The following XKR9 variants were observed in gnomAD, a reference collection of about 807,000 sequenced individuals.
XKR9 encodes the protein XK-related protein 9.
A neutral mutation model predicts 32.0 loss-of-function variants in XKR9; 32 were observed. The observed-to-expected ratio is 1.00, with a 90% CI of 0.76 to 1.34. XKR9 has a LOEUF of 1.34. Ranked by LOEUF, XKR9 falls within the 40% of genes most tolerant of loss-of-function variation. The probability of loss-of-function intolerance (pLI) is 0.00; values close to 1 mark genes in which losing one functional copy is unlikely to be tolerated. For missense variants in XKR9, 546 were observed against 429.7 expected (o/e 1.27, Z -2.39); for synonymous variants, 168 against 143.4 (o/e 1.17, Z -1.22).
At chr8:70,686,583 A>C (rs1819287684) in intron 3 of XKR9, among the ~76,000 whole-genome samples, 1 of 151,988 alleles carries the variant, frequency 6.6e-6, no homozygotes, top group Non-Finnish European at 1.5e-5. Flanking sequence ...AGCTGGGACT[A>C]CAGGCATGTG....
the XKR9 span, among the ~76,000 whole-genome samples, chr8:70,866,109 C>A: frequency 6.6e-6 from 1 of 152,172 alleles, no homozygotes; most frequent in Non-Finnish European, 1.5e-5. Flanking sequence ...TGATAATTTC[C>A]TTTGTGTGGG....
intron 2 of XKR9, among the ~76,000 whole-genome samples, chr8:70,779,601 G>A (rs1448836766): frequency 1.3e-5 from 2 of 152,088 alleles, no homozygotes; most frequent in Non-Finnish European, 2.9e-5. Context: ...TTTTTGGTTG[G>A]TAGGCTATTA....
the XKR9 span, among the ~76,000 whole-genome samples, chr8:70,811,640 C>T: frequency 1.3e-5 from 2 of 152,212 alleles, no homozygotes; most frequent in South Asian, 2.1e-4. Context: ...ATACAAACTA[C>T]CATCAGAGAA....
intron 2 of XKR9, among the ~76,000 whole-genome samples, chr8:70,741,313 A>G (rs1277889640): frequency 6.6e-6 from 1 of 152,238 alleles, no homozygotes; most frequent in East Asian, 1.9e-4. Flanking sequence ...TGCTGTCACT[A>G]TTTGATGCCC....
At chr8:70,999,353 T>C in the XKR9 span, among the ~76,000 whole-genome samples, 2 of 152,198 alleles carry the variant, frequency 1.3e-5, no homozygotes, top group Admixed American at 1.3e-4. Context: ...GTTTCCACCA[T>C]ATCATGAGAT....
chr8:70,718,115 T>C (rs1336476402), intron 4 of XKR9, among the ~76,000 whole-genome samples: 3 of 152,120 alleles, frequency 2.0e-5, no homozygotes, highest in Non-Finnish European at 2.9e-5. Flanking sequence ...TTCCAAACTT[T>C]CCCACATCTT....
At chr8:70,916,961 T>C in the XKR9 span, among the ~76,000 whole-genome samples, 3 of 152,206 alleles carry the variant, frequency 2.0e-5, no homozygotes, top group Non-Finnish European at 4.4e-5. Context: ...ATTTTTATTT[T>C]CTAATTCTTT....
chr8:71,038,789 T>C, the XKR9 span, among the ~76,000 whole-genome samples: 1 of 150,172 alleles, frequency 6.7e-6, no homozygotes, highest in African/African-American at 2.4e-5. Context: ...CAGATGTCCC[T>C]TTTTTGGATG....
the XKR9 span, among the ~76,000 whole-genome samples, chr8:70,856,497 G>A: frequency 1.3e-5 from 2 of 152,204 alleles, no homozygotes; most frequent in African/African-American, 4.8e-5. Flanking sequence ...CCTACAAAGA[G>A]ACTTAGACTC....
the XKR9 span, among the ~76,000 whole-genome samples, chr8:70,798,738 A>G: frequency 9.9e-5 from 15 of 152,262 alleles, no homozygotes; most frequent in African/African-American, 3.6e-4. Flanking sequence ...GGTGTAAGGA[A>G]GAGGTCCAGC....
the XKR9 span, among the ~76,000 whole-genome samples, chr8:70,967,207 C>T: frequency 1.1e-4 from 17 of 151,986 alleles, no homozygotes; most frequent in Admixed American, 3.3e-4. Context: ...GGACTACAGG[C>T]GCCTGCCAGC....
the XKR9 span, among the ~76,000 whole-genome samples, chr8:70,995,523 T>C: frequency 4.6e-5 from 7 of 152,182 alleles, no homozygotes; most frequent in Admixed American, 4.6e-4. Flanking sequence ...ATACACTTCC[T>C]TGCTCTAACA....
the XKR9 span, among the ~76,000 whole-genome samples, chr8:70,946,578 A>G: frequency 1.3e-5 from 2 of 152,162 alleles, no homozygotes; most frequent in Non-Finnish European, 2.9e-5. Flanking sequence ...AAGACCACAC[A>G]ACCACTAAAT....
chr8:71,016,992 A>G, the XKR9 span, among the ~76,000 whole-genome samples: 1 of 152,214 alleles, frequency 6.6e-6, no homozygotes, highest in South Asian at 2.1e-4. Flanking sequence ...TTAGATGTAC[A>G]ATTCTGAGAT....
the XKR9 span, among the ~76,000 whole-genome samples, chr8:70,830,266 T>G: frequency 6.6e-6 from 1 of 152,080 alleles, no homozygotes; most frequent in African/African-American, 2.4e-5. Flanking sequence ...AAGGACTTGG[T>G]GTCATTTGTG....
chr8:70,791,190 C>T (rs1351387486), downstream of XKR9, among the ~76,000 whole-genome samples: 4 of 151,842 alleles, frequency 2.6e-5, no homozygotes, highest in Non-Finnish European at 4.4e-5. Context: ...AAGAATGGGT[C>T]TTTTGGCCAG....
intron 2 of XKR9, among the ~76,000 whole-genome samples, chr8:70,679,777 A>G (rs1485213401): frequency 6.6e-6 from 1 of 152,222 alleles, no homozygotes; most frequent in Admixed American, 6.5e-5. Context: ...TTTATAAAAT[A>G]GTAATAATAA....
At chr8:70,917,438 T>C in the XKR9 span, among the ~76,000 whole-genome samples, 3 of 152,186 alleles carry the variant, frequency 2.0e-5, no homozygotes, top group African/African-American at 7.2e-5. Flanking sequence ...TAAAAGAGCA[T>C]ATTAATGGTT....
chr8:70,960,086 A>AT, the XKR9 span, among the ~76,000 whole-genome samples: 5 of 151,958 alleles, frequency 3.3e-5, no homozygotes, highest in African/African-American at 7.2e-5. Context: ...AAAAATTAGT[A>AT]TTTTTTGTAT....
Sources: allele counts gnomAD v4.1 joint callset (sites outside exome capture counted in the v4.1 genomes callset), GRCh38; gene constraint gnomAD v4.1.1; transcripts MANE v1.5; gene names NCBI Gene and HGNC (gene_info 2026-07-23, HGNC 2026-07-21).